The following GPAM variants were observed in gnomAD, a reference collection of about 807,000 sequenced individuals.
GPAM encodes the protein glycerol-3-phosphate acyltransferase 1, mitochondrial.
Under a neutral mutation model 105.0 loss-of-function variants are expected in GPAM, and 56 were observed. The observed-to-expected ratio is 0.53, with a 90% confidence interval of 0.43 to 0.67. GPAM has a LOEUF of 0.67. Among genes scored for constraint, GPAM ranks in the 30% least tolerant of loss-of-function variants. The pLI, the probability that GPAM is intolerant of heterozygous loss-of-function variation, is 0.00. For missense variants in GPAM, 855 were observed against 989.8 expected (o/e 0.86, Z 1.83); for synonymous variants, 368 against 354.4 (o/e 1.04, Z -0.43).
chr10:112,189,879 C>G (rs1055272356), intron 1 of GPAM, among the ~76,000 whole-genome samples: 1 of 152,162 alleles, frequency 6.6e-6, no homozygotes, highest in African/African-American at 2.4e-5. Context: ...TCTTCTGTTA[C>G]TCTCGGGTAA....
intron 1 of GPAM, among the ~76,000 whole-genome samples, chr10:112,213,594 G>T (rs942222333): frequency 3.9e-5 from 6 of 152,128 alleles, no homozygotes; most frequent in African/African-American, 1.4e-4. Context: ...AGACAATATG[G>T]TTAGTGGTCC....
At chr10:112,183,933 C>T (rs1847557385), upstream of GPAM, among the ~76,000 whole-genome samples, 1 of 152,152 alleles carries the variant, frequency 6.6e-6, no homozygotes, top group Non-Finnish European at 1.5e-5. Flanking sequence ...TGTGTGAGCG[C>T]CTGGACAGAT....
intron 12 of GPAM, among the ~76,000 whole-genome samples, chr10:112,165,109 G>T (rs1333632049): frequency 3.3e-5 from 5 of 152,180 alleles, no homozygotes; most frequent in African/African-American, 1.2e-4. Context: ...AGCATTTAAG[G>T]TTAGCAAGCA....
Position 112,160,723 on chromosome 10 carries a change from G to A in GPAM, c.1640C>T (p.Thr547Ile). 1 of 1,614,022 alleles carries A rather than the reference G, an allele frequency of 6.2e-7. No homozygotes were observed. The highest frequency in any genetic ancestry group is 1.3e-5 in the African/African-American group (1 of 75,014). The change falls in exon 16 of 22, where the codon ACC (threonine) becomes ATC (isoleucine). Residue 547 changes from threonine to isoleucine, a missense_variant. By Grantham distance (89) the Thr-to-Ile change is moderately conservative. Transcript: ENST00000348367. ...IQLLGNCVTI[T>I]HTSRNDEFFI... is the part of the protein sequence containing the mutation. ...AAACTCATCGTTCCTGCTAGTGTGG[G>A]TGATTGTGACACAATTTCCCAGCAG...
chr10:112,181,765 G>T lies in GPAM; in HGVS notation c.20C>A (p.Thr7Asn). The T allele has an allele frequency of 1.2e-6, 2 of 1,602,620 alleles. No homozygotes were observed. Among genetic ancestry groups the T allele is most frequent in the Non-Finnish European group, 1.7e-6 (2 of 1,169,758 alleles). Residue 7 changes from threonine to asparagine, a missense_variant, in exon 3 of 22, where the codon ACC becomes AAC. Thr to Asn is a moderately conservative substitution (Grantham distance 65). Coordinates refer to ENST00000348367, the MANE Select transcript of GPAM (RefSeq NM_001244949.2). ...ATAAGAAACATCTATTGTACCAAGG[G>T]TCAGTGCAGATTCATCCATGTCACA... MDESAL[T>N]LGTIDVSYLP... is the part of the protein sequence containing the mutation.
intron 1 of GPAM, among the ~76,000 whole-genome samples, chr10:112,192,806 A>G (rs1847677579): frequency 6.6e-6 from 1 of 152,252 alleles, no homozygotes; most frequent in African/African-American, 2.4e-5. Context: ...TTGTAAGATT[A>G]GAGAAGGGTG....
chr10:112,150,668 G>T lies in GPAM; in HGVS notation c.*2882C>A. ...CTGGTGTCAAAATAGTTTGGGCAAT[G>T]CTGGGTTAGACAGTTTTTCACTACC... On this transcript the variant is annotated 3_prime_UTR_variant, in exon 22 of 22. Coordinates refer to ENST00000348367, the MANE Select transcript of GPAM (RefSeq NM_001244949.2). 1 of 911,928 alleles carries T rather than the reference G, an allele frequency of 1.1e-6. No homozygotes were observed. Among genetic ancestry groups the T allele is most frequent in the African/African-American group, 1.8e-5 (1 of 55,886 alleles). The allele number at this position is 911,928 out of a possible 1,614,324, so 56.5% of individuals were successfully genotyped here.
intron 1 of GPAM, among the ~76,000 whole-genome samples, chr10:112,210,448 G>A (rs1057283317): frequency 2.6e-5 from 4 of 152,138 alleles, no homozygotes; most frequent in Admixed American, 2.6e-4. Context: ...TTCAGGCATC[G>A]TCGGCTAAAA....
In GPAM at chr10:112,164,638, T is replaced by C. The variant is rs369971729; in HGVS notation, c.1222-28A>G. ...GGAGAAAAAAACACAACATGATCAT[T>C]TACCCTCACTTTCGCACCAACATAT... On this transcript the variant is annotated intron_variant, in intron 12 of 21. Transcript: ENST00000348367. 28 of 1,147,952 alleles carry C rather than the reference T, an allele frequency of 2.4e-5. No homozygotes were observed. In the African/African-American group the frequency reaches 3.9e-4, roughly 16 times the overall value. 71.1% of individuals were successfully genotyped at this position (1,147,952 alleles called of 1,614,324 possible).
Position 112,163,714 on chromosome 10 carries a change from C to A in GPAM, c.1410G>T (p.Glu470Asp). The change falls in exon 14 of 22, where the codon GAG becomes GAT. Residue 470 changes from glutamate (E) to aspartate (D), a missense_variant. Physicochemically the swap from Glu to Asp is conservative, Grantham distance 45 (BLOSUM62 2). Coordinates refer to ENST00000348367, the MANE Select transcript of GPAM (RefSeq NM_001244949.2). ...LRRRLIANLAEHILFTASKSC... is the reference protein window; with the variant it reads ...LRRRLIANLADHILFTASKSC... ...TATTCTACTTACTGAATAGAATATG[C>A]TCAGCCAGATTTGCAATCAACCTCC... 6.7e-7 allele frequency: 1 copy of A among 1,503,482 alleles called. No individual in the cohort carries two copies. The highest frequency in any genetic ancestry group is 2.3e-5 in the East Asian group (1 of 44,336). 93.1% of individuals were successfully genotyped at this position (1,503,482 alleles called of 1,614,324 possible).
At chr10:112,215,178 G>C (rs997511645) in exon 1 of GPAM, 8 of 152,172 alleles carry the variant, frequency 5.3e-5, no homozygotes, top group Non-Finnish European at 1.2e-4. Context: ...CTGTATCCTT[G>C]ACTTGGTGGT....
At chr10:112,204,254 CT>C (rs59433956) in intron 1 of GPAM, among the ~76,000 whole-genome samples, 26,546 of 132,402 alleles carry the variant, frequency 0.2, 2,979 homozygotes, top group African/African-American at 0.34. Flanking sequence ...TTTCTTTGTT[CT>C]TTTTTTTTTT....
At chr10:112,178,285 C>G (rs1305490656) in intron 4 of GPAM, among the ~76,000 whole-genome samples, 31 of 152,180 alleles carry the variant, frequency 2.0e-4, no homozygotes, top group Admixed American at 2.0e-3. Context: ...CGCAGTGGCT[C>G]ACACCCGTAA....
chr10:112,153,457 C>G lies in GPAM; in HGVS notation c.*93G>C. ...CACTTCGGGACAGGGCAGGCCTGAC[C>G]CTGCGATGGCACCTTCAACTCTTGA... On this transcript the variant is annotated 3_prime_UTR_variant, in exon 22 of 22. Coordinates refer to ENST00000348367, the MANE Select transcript of GPAM (RefSeq NM_001244949.2). 1 of 1,604,332 alleles carries G rather than the reference C, an allele frequency of 6.2e-7. No homozygotes were observed. The highest frequency in any genetic ancestry group is 1.1e-5 in the South Asian group (1 of 90,350).
upstream of GPAM, among the ~76,000 whole-genome samples, chr10:112,217,673 C>T (rs1847984761): frequency 1.3e-5 from 2 of 152,218 alleles, no homozygotes; most frequent in Non-Finnish European, 2.9e-5. Context: ...CACAATTATA[C>T]ATTCTGTCTC....
rs976346576 is a variant in GPAM at position 112,165,560 on chromosome 10, G to T, written c.1221+842C>A. ...CAAAAATTAGCCAGGTGTGGTAGCG[G>T]GCACCTGTAATCCCAGCTACTTAGG... On this transcript the variant is annotated intron_variant, in intron 12 of 21. Transcript: ENST00000348367. Among the ~76,000 whole-genome samples, 4 of 152,020 alleles carry T rather than the reference G, an allele frequency of 2.6e-5. No individual in the cohort carries two copies. The South Asian group carries it at 8.3e-4, about 31-fold the overall frequency.
chr10:112,206,866 C>G (rs968179764), intron 1 of GPAM, among the ~76,000 whole-genome samples: 3 of 151,098 alleles, frequency 2.0e-5, no homozygotes, highest in Non-Finnish European at 4.4e-5. Context: ...AACAGGGATT[C>G]TATCTTCTTC....
At chr10:112,196,538 TAA>T (rs1464319549) in intron 1 of GPAM, among the ~76,000 whole-genome samples, 2 of 152,200 alleles carry the variant, frequency 1.3e-5, no homozygotes, top group African/African-American at 4.8e-5. Flanking sequence ...GCCTCCAAAG[TAA>T]AGAGTGTTAT....
chr10:112,190,729 G>A (rs1288828994), intron 1 of GPAM, among the ~76,000 whole-genome samples: 2 of 152,048 alleles, frequency 1.3e-5, no homozygotes, highest in Admixed American at 6.5e-5. Flanking sequence ...CACTTGGACT[G>A]CTAATTGCAT....
Sources: allele counts gnomAD v4.1 joint callset (sites outside exome capture counted in the v4.1 genomes callset), GRCh38; gene constraint gnomAD v4.1.1; transcripts MANE v1.5; gene names NCBI Gene and HGNC (gene_info 2026-07-23, HGNC 2026-07-21).